ATP2A2: variants seen among roughly 807,000 people sequenced by gnomAD.
ATP2A2 encodes the protein ATPase sarcoplasmic/endoplasmic reticulum Ca2+ transporting 2.
Under a neutral mutation model 109.3 loss-of-function variants are expected in ATP2A2, and 14 were observed. The observed-to-expected ratio is 0.13, with a 90% CI of 0.08 to 0.20. ATP2A2 has a LOEUF of 0.20. Ranked by LOEUF, ATP2A2 falls within the 10% of genes least tolerant of loss-of-function variation. The pLI is 1.00. For missense variants in ATP2A2, 657 were observed against 1,321.6 expected, an observed-to-expected ratio of 0.50 and a Z score of 7.80; for synonymous variants, 506 against 490.9, an observed-to-expected ratio of 1.03 and a Z score of -0.41.
At chr12:110,335,434 C>T (rs559180765) in intron 11 of ATP2A2, among the ~76,000 whole-genome samples, 51 of 152,158 alleles carry the variant, frequency 3.4e-4, no homozygotes, top group African/African-American at 1.2e-3. Flanking sequence ...GAAGCTGAGG[C>T]GGGAGAGTCA....
At chr12:110,294,370 T>A (rs988168347) in intron 4 of ATP2A2, among the ~76,000 whole-genome samples, 1 of 152,136 alleles carries the variant, frequency 6.6e-6, no homozygotes, top group Non-Finnish European at 1.5e-5. Context: ...TCAAAAAAAT[T>A]ATATTTGGTC....
At position 110,346,623 on chromosome 12, in the gene ATP2A2, C is replaced by A; in HGVS notation, c.*153C>A. 1 of 1,486,102 alleles carries A rather than the reference C, an allele frequency of 6.7e-7. No homozygotes were observed. 92.1% of individuals were successfully genotyped at this position (1,486,102 alleles called of 1,614,324 possible). ...GATTTTGTTTTGCTTTTTCTGACTC[C>A]AGTGGGGCAAGATTTTCCTTTTTTA... On this transcript the variant is annotated 3_prime_UTR_variant, in exon 20 of 20. Coordinates refer to ENST00000539276, the MANE Select transcript of ATP2A2 (RefSeq NM_170665.4).
intron 5 of ATP2A2, among the ~76,000 whole-genome samples, chr12:110,306,458 G>T (rs1407400589): frequency 1.3e-5 from 2 of 152,100 alleles, no homozygotes; most frequent in Non-Finnish European, 2.9e-5. Context: ...TCCAGATGAT[G>T]AGTATAGATG....
intron 5 of ATP2A2, among the ~76,000 whole-genome samples, chr12:110,301,146 G>GT (rs1466256593): frequency 3.9e-5 from 6 of 152,162 alleles, no homozygotes; most frequent in African/African-American, 1.4e-4. Flanking sequence ...GGATTTACAG[G>GT]TGTGAGCCAC....
rs1439377218 is a variant in ATP2A2, at chr12:110,347,327, C to G, written c.*857C>G. 1 of 1,275,562 alleles carries G rather than the reference C, an allele frequency of 7.8e-7. No individual in the cohort carries two copies. The highest frequency in any genetic ancestry group is 1.0e-6 in the Non-Finnish European group (1 of 979,590). 79.0% of individuals were successfully genotyped at this position (1,275,562 alleles called of 1,614,324 possible). A position where few individuals can be genotyped will look rare whatever the true frequency, so the allele number is the denominator to read the frequency against. On this transcript the variant is annotated 3_prime_UTR_variant, in exon 20 of 20. Transcript: ENST00000539276. ...ATTTTAAATGGACAGAGAAAAATAA[C>G]TGTCTTGTCTTTAACTCGTAAGTGG...
Position 110,281,667 on chromosome 12 carries a change from G to A in ATP2A2, c.-123G>A. On this transcript the variant is annotated 5_prime_UTR_variant, in exon 1 of 20. Coordinates refer to ENST00000539276, the MANE Select transcript of ATP2A2 (RefSeq NM_170665.4). ...CGGCGAGGCGGAAGCGGCCGCAAGA[G>A]GAGGAGGGGAGAGCCCGTCCGCGCC... The A allele has an allele frequency of 3.7e-6, 2 of 533,848 alleles. No homozygotes were observed. Among genetic ancestry groups the A allele is most frequent in the Non-Finnish European group, 6.0e-6 (2 of 333,108 alleles). 33.1% of individuals were successfully genotyped at this position (533,848 alleles called of 1,614,324 possible). A position where few individuals can be genotyped will look rare whatever the true frequency, so the allele number is the denominator to read the frequency against.
chr12:110,347,383 T>C lies in ATP2A2; in HGVS notation c.*913T>C, dbSNP rs1879981119. The C allele has an allele frequency of 7.8e-7, 1 of 1,289,058 alleles. No homozygotes were observed. Among genetic ancestry groups the C allele is most frequent in the Non-Finnish European group, 1.0e-6 (1 of 988,694 alleles). 79.9% of individuals were successfully genotyped at this position (1,289,058 alleles called of 1,614,324 possible). A position where few individuals can be genotyped will look rare whatever the true frequency, so the allele number is the denominator to read the frequency against. The stretch of plus-strand genomic sequence containing the variant: ...CTGGGACTAACAGACATGTCCAACT[T>C]TCTCTCCAGTTCTTAGCTCAGAACT... On this transcript the variant is annotated 3_prime_UTR_variant, in exon 20 of 20. Coordinates refer to ENST00000539276, the MANE Select transcript of ATP2A2 (RefSeq NM_170665.4).
At chr12:110,304,228 G>C (rs1299198102) in intron 5 of ATP2A2, among the ~76,000 whole-genome samples, 1 of 152,188 alleles carries the variant, frequency 6.6e-6, no homozygotes, top group Non-Finnish European at 1.5e-5. Context: ...GTAATGAATA[G>C]TGCTATAACT....
At chr12:110,291,995 T>G in intron 3 of ATP2A2, 25 bp from the exon 4 acceptor site, 2 of 1,597,140 alleles carry the variant, frequency 1.3e-6, no homozygotes, top group Non-Finnish European at 8.6e-7. Flanking sequence ...AAAAGACACA[T>G]TCTAACGTGC....
intron 4 of ATP2A2, among the ~76,000 whole-genome samples, chr12:110,295,408 C>T (rs868232680): frequency 3.0e-4 from 46 of 152,274 alleles, no homozygotes; most frequent in African/African-American, 1.0e-3. Context: ...AAGCAGTCCT[C>T]TTACCTCAGC....
Position 110,349,936 on chromosome 12 carries a change from TCTC to T in ATP2A2, c.*3468_*3470del, listed in dbSNP as rs1320513307. On this transcript the variant is annotated 3_prime_UTR_variant, in exon 20 of 20. Transcript: ENST00000539276. ...GCTGTGCTGCTACTGGCTGCTCACT[TCTC>T]CATCAACCTCACCCTCTGCACCACT... 4 of 1,171,028 alleles carry T rather than the reference TCTC, an allele frequency of 3.4e-6. No individual in the cohort carries two copies. Among genetic ancestry groups the T allele is most frequent in the African/African-American group, 3.1e-5 (2 of 63,742 alleles). 72.5% of individuals were successfully genotyped at this position (1,171,028 alleles called of 1,614,324 possible).
chr12:110,286,942 CCT>C (rs2137686146), intron 3 of ATP2A2, among the ~76,000 whole-genome samples: 1 of 152,094 alleles, frequency 6.6e-6, no homozygotes, highest in Non-Finnish European at 1.5e-5. Context: ...GTGCTTTTTA[CCT>C]TGGATTAAAA....
Position 110,347,552 on chromosome 12 carries a change from A to G in ATP2A2, c.*1082A>G. On this transcript the variant is annotated 3_prime_UTR_variant, in exon 20 of 20. Coordinates refer to ENST00000539276, the MANE Select transcript of ATP2A2 (RefSeq NM_170665.4). ...TTTCTGCTGGCCTGGTATAGAGAACATAAGGGCAAGTGTGTATGTGTGTGT... is the reference window on the plus strand; with the variant it reads ...TTTCTGCTGGCCTGGTATAGAGAACGTAAGGGCAAGTGTGTATGTGTGTGT... 3.9e-6 allele frequency: 5 copies of G among 1,286,848 alleles called. No individual in the cohort carries two copies. The highest frequency in any genetic ancestry group is 5.6e-5 in the East Asian group (1 of 17,984). 79.7% of individuals were successfully genotyped at this position (1,286,848 alleles called of 1,614,324 possible). A position where few individuals can be genotyped will look rare whatever the true frequency, so the allele number is the denominator to read the frequency against.
In ATP2A2 at chr12:110,340,547, AAAAAG is replaced by A. The variant is rs1052121571; in HGVS notation, c.1762-107_1762-103del. 9 of 1,308,918 alleles carry A rather than the reference AAAAAG, an allele frequency of 6.9e-6. No individual in the cohort carries two copies. Among genetic ancestry groups the A allele is most frequent in the Non-Finnish European group, 9.6e-6 (9 of 935,938 alleles). The allele number at this position is 1,308,918 out of a possible 1,614,324, so 81.1% of individuals were successfully genotyped here. On this transcript the variant is annotated intron_variant, in intron 13 of 19. Coordinates refer to ENST00000539276, the MANE Select transcript of ATP2A2 (RefSeq NM_170665.4). This position sits in a 1 kb window ranked among gnomAD's most constrained non-coding sequence, Gnocchi z 6.0. The stretch of plus-strand genomic sequence containing the variant: ...GAGCGAAACTCCGCCTCAAAAAAAA[AAAAAG>A]AAAAAAAATGCAGAAACCTGTCTCA...
In ATP2A2 at chr12:110,349,137, T is replaced by G. The variant is rs1880163170; in HGVS notation, c.*2667T>G. On this transcript the variant is annotated 3_prime_UTR_variant, in exon 20 of 20. Transcript: ENST00000539276. ...GGAGTGGGTTAGGCCCACTGCTGTT[T>G]TGAGCAGGGCCACTTGCTCCATTTC... is the stretch of plus-strand genomic sequence containing the variant. 1 of 985,514 alleles carries G rather than the reference T, an allele frequency of 1.0e-6. No homozygotes were observed. The highest frequency in any genetic ancestry group is 1.2e-6 in the Non-Finnish European group (1 of 829,984). The allele number at this position is 985,514 out of a possible 1,614,324, so 61.0% of individuals were successfully genotyped here. A position where few individuals can be genotyped will look rare whatever the true frequency, so the allele number is the denominator to read the frequency against.
intron 3 of ATP2A2, 137 bp downstream of exon 3, chr12:110,282,932 T>A: frequency 1.2e-6 from 1 of 800,810 alleles, no homozygotes; most frequent in East Asian, 2.7e-5. Flanking sequence ...AAAAACAATC[T>A]GGGCATTTTA....
At chr12:110,322,951 A>T (rs1592839519) in intron 5 of ATP2A2, 41 bp from the exon 6 acceptor site, 1 of 1,390,188 alleles carries the variant, frequency 7.2e-7, no homozygotes, top group Non-Finnish European at 1.0e-6. Flanking sequence ...CATAGTTTTA[A>T]AAGTTGCTCA....
intron 6 of ATP2A2, chr12:110,325,943 G>A (rs1035217086): frequency 1.1e-5 from 2 of 189,498 alleles, no homozygotes; most frequent in South Asian, 9.4e-5. Flanking sequence ...AGTTGTGATG[G>A]TGCCATTGCA....
intron 8 of ATP2A2, chr12:110,329,947 G>A (rs946072817): frequency 6.6e-6 from 1 of 152,148 alleles, no homozygotes. Context: ...TCATTAATTA[G>A]CAAGGGAATC....
Sources: allele counts gnomAD v4.1 joint callset (sites outside exome capture counted in the v4.1 genomes callset), GRCh38; gene constraint gnomAD v4.1.1; non-coding constraint Gnocchi (gnomAD v3.1); transcripts MANE v1.5; gene names NCBI Gene and HGNC (gene_info 2026-07-23, HGNC 2026-07-21).